KRTAP4-2: variants seen among roughly 807,000 people sequenced by gnomAD.
KRTAP4-2 encodes the protein keratin-associated protein 4-2.
For synonymous variants in KRTAP4-2, 56 were observed against 63.5 expected, an observed-to-expected ratio of 0.88 and a Z score of 0.56; for missense variants, 178 against 177.3, an observed-to-expected ratio of 1.00 and a Z score of -0.02.
rs2015161379 is a variant in KRTAP4-2, at chr17:41,177,448, A to G, written c.*306T>C. The G allele has an allele frequency of 6.1e-6, 3 of 491,524 alleles. No homozygotes were observed. Among genetic ancestry groups the G allele is most frequent in the Admixed American group, 3.8e-5 (1 of 26,480 alleles). 30.4% of individuals were successfully genotyped at this position (491,524 alleles called of 1,614,324 possible). ...AAATGAGACACAATGCCCGTATATT[A>G]TTTGTATGCCTCAAAAATTAAAATT... On this transcript the variant is annotated 3_prime_UTR_variant, in exon 1 of 1. Coordinates refer to ENST00000377726, the MANE Select transcript of KRTAP4-2 (RefSeq NM_033062.4).
At position 41,177,538 on chromosome 17, in the gene KRTAP4-2, G is replaced by T. The variant is rs1482336885; in HGVS notation, c.*216C>A. On this transcript the variant is annotated 3_prime_UTR_variant, in exon 1 of 1. Transcript: ENST00000377726. Reference sequence around the variant, plus strand: ...GTAGAGAGCAAATATTTCAATTCAGGGAACATGGGGTTGACATATTTCAGA... The same window carrying T: ...GTAGAGAGCAAATATTTCAATTCAGTGAACATGGGGTTGACATATTTCAGA... 2.9e-6 allele frequency: 2 copies of T among 686,596 alleles called. No individual in the cohort carries two copies. Among genetic ancestry groups the T allele is most frequent in the Non-Finnish European group, 4.8e-6 (2 of 417,540 alleles). The allele number at this position is 686,596 out of a possible 1,614,324, so 42.5% of individuals were successfully genotyped here. A position where few individuals can be genotyped will look rare whatever the true frequency, so the allele number is the denominator to read the frequency against.
Position 41,177,834 on chromosome 17 carries a change from A to G in KRTAP4-2, c.331T>C (p.Cys111Arg). Residue 111 changes from cysteine (C) to arginine (R), a missense_variant, in exon 1 of 1, where the codon TGC (cysteine) becomes CGC (arginine). Physicochemically the swap from Cys to Arg is radical, Grantham distance 180. Coordinates refer to ENST00000377726, the MANE Select transcript of KRTAP4-2 (RefSeq NM_033062.4). Reference sequence around the variant, plus strand: ...CTGGGGCGGTAGCAGGTGGTCCTGCAGCAGGTGGTCTGGCCACAGCTGGGG... The same window carrying G: ...CTGGGGCGGTAGCAGGTGGTCCTGCGGCAGGTGGTCTGGCCACAGCTGGGG... Reference protein sequence around the residue: ...CRPSCGQTTCCRTTCYRPSCC... With the variant: ...CRPSCGQTTCRRTTCYRPSCC... 2 of 1,610,970 alleles carry G rather than the reference A, an allele frequency of 1.2e-6. No individual in the cohort carries two copies. The highest frequency in any genetic ancestry group is 1.7e-6 in the Non-Finnish European group (2 of 1,179,120).
chr17:41,177,624 T>C lies in KRTAP4-2; in HGVS notation c.*130A>G. On this transcript the variant is annotated 3_prime_UTR_variant, in exon 1 of 1. Transcript: ENST00000377726. ...GCAACATAGTGTTTGGTGAGCATAT[T>C]TGGAGGCCAAACTCAATCCAAGAAT... 1 of 1,427,010 alleles carries C rather than the reference T, an allele frequency of 7.0e-7. No homozygotes were observed. Among genetic ancestry groups the C allele is most frequent in the South Asian group, 1.3e-5 (1 of 74,244 alleles). 88.4% of individuals were successfully genotyped at this position (1,427,010 alleles called of 1,614,324 possible).
In KRTAP4-2 at chr17:41,177,454, A is replaced by T. The variant is rs920055110; in HGVS notation, c.*300T>A. The T allele has an allele frequency of 1.0e-5, 5 of 497,164 alleles. No homozygotes were observed. The highest frequency in any genetic ancestry group is 1.7e-5 in the Non-Finnish European group (5 of 286,878). 30.8% of individuals were successfully genotyped at this position (497,164 alleles called of 1,614,324 possible). On this transcript the variant is annotated 3_prime_UTR_variant, in exon 1 of 1. Coordinates refer to ENST00000377726, the MANE Select transcript of KRTAP4-2 (RefSeq NM_033062.4). Reference sequence around the variant, plus strand: ...GACACAATGCCCGTATATTATTTGTATGCCTCAAAAATTAAAATTTATTTA... The same window carrying T: ...GACACAATGCCCGTATATTATTTGTTTGCCTCAAAAATTAAAATTTATTTA...
Position 41,177,741 on chromosome 17 carries a change from A to G in KRTAP4-2, c.*13T>C. 2 of 1,611,432 alleles carry G rather than the reference A, an allele frequency of 1.2e-6. No individual in the cohort carries two copies. The highest frequency in any genetic ancestry group is 1.7e-6 in the Non-Finnish European group (2 of 1,178,622). On this transcript the variant is annotated 3_prime_UTR_variant, in exon 1 of 1. Coordinates refer to ENST00000377726, the MANE Select transcript of KRTAP4-2 (RefSeq NM_033062.4). ...TGCTGGTTAATAAAGGCAGGTGAGT[A>G]TAGGTGAGGGCATCAGCAGCAAGAG...
In KRTAP4-2 at chr17:41,178,012, G is replaced by T; in HGVS notation, c.153C>A (p.Cys51Ter). 1.9e-6 allele frequency: 3 copies of T among 1,603,120 alleles called. No homozygotes were observed. The highest frequency in any genetic ancestry group is 2.6e-6 in the Non-Finnish European group (3 of 1,173,274). Residue 51 changes from cysteine (C) to a stop codon, truncating the protein, a stop_gained, in exon 1 of 1, where the codon TGC becomes TGA. Coordinates refer to ENST00000377726, the MANE Select transcript of KRTAP4-2 (RefSeq NM_033062.4). LOFTEE classifies it low-confidence loss of function (END_TRUNC). ...AGGTGGGCTGGCAGCACACAGACTG[G>T]CAGCACTGCGGTCTGCAGCAGCTGG... Reference protein sequence around the residue: ...CVSSCCRPQCCQSVCCQPTCC... With the variant: ...CVSSCCRPQC
chr17:41,177,665 T>C lies in KRTAP4-2; in HGVS notation c.*89A>G. The C allele has an allele frequency of 6.5e-7, 1 of 1,549,100 alleles. No homozygotes were observed. The highest frequency in any genetic ancestry group is 8.7e-7 in the Non-Finnish European group (1 of 1,144,390). ...ATCCAAGAATTGGTTGGAACTGAGG[T>C]TGTCCAATTGGCCTTGCATGATTCA... On this transcript the variant is annotated 3_prime_UTR_variant, in exon 1 of 1. Transcript: ENST00000377726.
In KRTAP4-2 at chr17:41,177,818, T is replaced by A. The variant is rs1486392212; in HGVS notation, c.347A>T (p.Tyr116Phe). ...GGTGGACACACAGCAGCTGGGGCGG[T>A]AGCAGGTGGTCCTGCAGCAGGTGGT... ...GQTTCCRTTC[Y>F]RPSCCVSTCC... is the part of the protein sequence containing the mutation. The change falls in exon 1 of 1, where the codon TAC becomes TTC. Residue 116 changes from tyrosine to phenylalanine, a missense_variant. By Grantham distance (22) the Tyr-to-Phe change is conservative. Transcript: ENST00000377726. 6.2e-7 allele frequency: 1 copy of A among 1,602,900 alleles called. No homozygotes were observed. The highest frequency in any genetic ancestry group is 1.7e-5 in the Admixed American group (1 of 58,496).
chr17:41,177,591 A>G lies in KRTAP4-2; in HGVS notation c.*163T>C. On this transcript the variant is annotated 3_prime_UTR_variant, in exon 1 of 1. Transcript: ENST00000377726. ...AAATTCAAACTTGTATTCATTTGGT[A>G]GAGGGTAGCAACATAGTGTTTGGTG... 1 of 1,088,642 alleles carries G rather than the reference A, an allele frequency of 9.2e-7. No individual in the cohort carries two copies. The highest frequency in any genetic ancestry group is 1.3e-6 in the Non-Finnish European group (1 of 754,996). 67.4% of individuals were successfully genotyped at this position (1,088,642 alleles called of 1,614,324 possible).
chr17:41,177,504 T>C lies in KRTAP4-2; in HGVS notation c.*250A>G, dbSNP rs1598016504. The C allele has an allele frequency of 1.7e-6, 1 of 604,208 alleles. No homozygotes were observed. The highest frequency in any genetic ancestry group is 1.8e-5 in the African/African-American group (1 of 54,386). 37.4% of individuals were successfully genotyped at this position (604,208 alleles called of 1,614,324 possible). ...AAGATAGAGGAATAGCTCCATGTGATAAATTATGGTAGAGAGCAAATATTT... is the reference window on the plus strand; with the variant it reads ...AAGATAGAGGAATAGCTCCATGTGACAAATTATGGTAGAGAGCAAATATTT... On this transcript the variant is annotated 3_prime_UTR_variant, in exon 1 of 1. Transcript: ENST00000377726.
rs557585561 is a variant in KRTAP4-2, at chr17:41,178,118, C to A, written c.47G>T (p.Gly16Val). ...CGSVCSDQGC[G>V]LENCCRPSCC... The stretch of plus-strand genomic sequence containing the variant: ...GCTGGGACGGCAGCAGTTCTCTAGG[C>A]CACAGCCCTGGTCAGAGCACACAGA... The change falls in exon 1 of 1, where the codon GGC (glycine) becomes GTC (valine). Residue 16 changes from glycine (G) to valine (V), a missense_variant. Gly to Val is a moderately radical substitution (Grantham distance 109, BLOSUM62 -3). Transcript: ENST00000377726. 4.3e-6 allele frequency: 7 copies of A among 1,614,076 alleles called. No homozygotes were observed. In the South Asian group the frequency reaches 7.7e-5, roughly 18 times the overall value.
Position 41,178,045 on chromosome 17 carries a change from G to A in KRTAP4-2, c.120C>T (p.Cys40=), listed in dbSNP as rs1341817020. ...GCGGTCTGCAGCAGCTGGACACACA[G>A]CAGCTGGGGCGGCAGCAGGTGGTCC... ...CCRTTCCRPS[C]CVSSCCRPQC... is the part of the protein sequence containing the mutation. Residue 40 remains cysteine, a synonymous_variant, in exon 1 of 1, where the codon TGC becomes TGT. Coordinates refer to ENST00000377726, the MANE Select transcript of KRTAP4-2 (RefSeq NM_033062.4). 4.3e-5 allele frequency: 70 copies of A among 1,613,136 alleles called. No individual in the cohort carries two copies. Among genetic ancestry groups the A allele is most frequent in the Non-Finnish European group, 5.6e-5 (66 of 1,179,722 alleles).
At position 41,177,662 on chromosome 17, in the gene KRTAP4-2, A is replaced by G; in HGVS notation, c.*92T>C. On this transcript the variant is annotated 3_prime_UTR_variant, in exon 1 of 1. Transcript: ENST00000377726. ...TCAATCCAAGAATTGGTTGGAACTG[A>G]GGTTGTCCAATTGGCCTTGCATGAT... 1 of 1,547,900 alleles carries G rather than the reference A, an allele frequency of 6.5e-7. No homozygotes were observed. Among genetic ancestry groups the G allele is most frequent in the Non-Finnish European group, 8.7e-7 (1 of 1,143,420 alleles).
Position 41,178,060 on chromosome 17 carries a change from G to A in KRTAP4-2, c.105C>T (p.Cys35=). The part of the protein sequence containing the change: ...CCQTTCCRTT[C]CRPSCCVSSC... The stretch of plus-strand genomic sequence containing the variant: ...TGGACACACAGCAGCTGGGGCGGCA[G>A]CAGGTGGTCCTGCAGCAGGTGGTCT... The change falls in exon 1 of 1, where the codon TGC becomes TGT. Residue 35 remains cysteine (C), a synonymous_variant. Transcript: ENST00000377726. 9.3e-6 allele frequency: 15 copies of A among 1,613,934 alleles called. No individual in the cohort carries two copies. Among genetic ancestry groups the A allele is most frequent in the Non-Finnish European group, 1.3e-5 (15 of 1,179,920 alleles).
chr17:41,177,468 A>G lies in KRTAP4-2; in HGVS notation c.*286T>C. 1 of 511,904 alleles carries G rather than the reference A, an allele frequency of 2.0e-6. No individual in the cohort carries two copies. The highest frequency in any genetic ancestry group is 3.3e-6 in the Non-Finnish European group (1 of 299,586). 31.7% of individuals were successfully genotyped at this position (511,904 alleles called of 1,614,324 possible). On this transcript the variant is annotated 3_prime_UTR_variant, in exon 1 of 1. Transcript: ENST00000377726. ...ATATTATTTGTATGCCTCAAAAATT[A>G]AAATTTATTTAAGATAGAGGAATAG...
rs1434568877 is a variant in KRTAP4-2, at chr17:41,177,509, T to C, written c.*245A>G. ...AGAGGAATAGCTCCATGTGATAAAT[T>C]ATGGTAGAGAGCAAATATTTCAATT... On this transcript the variant is annotated 3_prime_UTR_variant, in exon 1 of 1. Transcript: ENST00000377726. 1.6e-6 allele frequency: 1 copy of C among 618,832 alleles called. No homozygotes were observed. The highest frequency in any genetic ancestry group is 1.8e-5 in the African/African-American group (1 of 54,462). The allele number at this position is 618,832 out of a possible 1,614,324, so 38.3% of individuals were successfully genotyped here.
Position 41,177,794 on chromosome 17 carries a change from G to A in KRTAP4-2, c.371C>T (p.Thr124Ile), listed in dbSNP as rs557313980. 8.7e-6 allele frequency: 14 copies of A among 1,613,792 alleles called. No homozygotes were observed. The East Asian group carries it at 2.9e-4, about 33-fold the overall frequency. The change falls in exon 1 of 1, where the codon ACC (threonine) becomes ATC (isoleucine). Residue 124 changes from threonine (T) to isoleucine (I), a missense_variant. Transcript: ENST00000377726. ...ACTAGAGCAGGTTGGGCGGCAGCAG[G>A]TGGACACACAGCAGCTGGGGCGGTA... ...TCYRPSCCVS[T>I]CCRPTCSSGS... is the part of the protein sequence containing the mutation.
chr17:41,177,707 T>C lies in KRTAP4-2; in HGVS notation c.*47A>G, dbSNP rs1200893835. Reference sequence around the variant, plus strand: ...CATGATTCAGTTCACAGGTGGATCATATCAAGAATGCTGGTTAATAAAGGC... The same window carrying C: ...CATGATTCAGTTCACAGGTGGATCACATCAAGAATGCTGGTTAATAAAGGC... On this transcript the variant is annotated 3_prime_UTR_variant, in exon 1 of 1. Coordinates refer to ENST00000377726, the MANE Select transcript of KRTAP4-2 (RefSeq NM_033062.4). 1 of 1,589,756 alleles carries C rather than the reference T, an allele frequency of 6.3e-7. No individual in the cohort carries two copies. The highest frequency in any genetic ancestry group is 8.6e-7 in the Non-Finnish European group (1 of 1,166,536).
Position 41,178,179 on chromosome 17 carries a change from G to A in KRTAP4-2, c.-15C>T, listed in dbSNP as rs1259220999. On this transcript the variant is annotated 5_prime_UTR_variant, in exon 1 of 1. Coordinates refer to ENST00000377726, the MANE Select transcript of KRTAP4-2 (RefSeq NM_033062.4). ...GAGTTGACCATGGTGTCAGAGGGTG[G>A]AGGTTCTGGGTGGATTTCCAGGAAG... is the stretch of plus-strand genomic sequence containing the variant. 1.9e-6 allele frequency: 3 copies of A among 1,602,220 alleles called. No homozygotes were observed. The highest frequency in any genetic ancestry group is 2.6e-6 in the Non-Finnish European group (3 of 1,172,334).
Sources: allele counts gnomAD v4.1 joint callset, GRCh38; gene constraint gnomAD v4.1.1; transcripts MANE v1.5; gene names NCBI Gene and HGNC (gene_info 2026-07-23, HGNC 2026-07-21).